PRKAA2: variants seen among roughly 807,000 people sequenced by gnomAD.
PRKAA2 encodes the protein protein kinase AMP-activated catalytic subunit alpha 2, also known as 5'-AMP-activated protein kinase catalytic subunit alpha-2.
In PRKAA2, 40 loss-of-function variants were observed where a neutral mutation model predicts 56.3. The observed-to-expected ratio is 0.71, with a 90% CI of 0.55 to 0.92. PRKAA2 has a LOEUF of 0.92. PRKAA2 is among the 40% of genes least tolerant of loss of function. PRKAA2 has a pLI of 0.00. For missense variants in PRKAA2, 542 were observed against 686.9 expected, an observed-to-expected ratio of 0.79 and a Z score of 2.36; for synonymous variants, 214 against 234.2, an observed-to-expected ratio of 0.91 and a Z score of 0.79.
intron 4 of PRKAA2, 136 bp downstream of exon 4, chr1:56,692,638 G>T: frequency 7.8e-6 from 6 of 771,782 alleles, no homozygotes; most frequent in South Asian, 3.7e-5. Flanking sequence ...CTCCTCAGTA[G>T]CTTTTTTTTT....
At position 56,696,134 on chromosome 1, in the gene PRKAA2, A is replaced by C. The variant is rs1644257820; in HGVS notation, c.763A>C (p.Lys255Gln). 1 of 1,613,012 alleles carries C rather than the reference A, an allele frequency of 6.2e-7. No individual in the cohort carries two copies. The highest frequency in any genetic ancestry group is 1.3e-5 in the African/African-American group (1 of 74,674). The change falls in exon 6 of 9, where the codon AAA becomes CAA. Residue 255 changes from lysine to glutamine, a missense_variant. Physicochemically the swap from Lys to Gln is moderately conservative, Grantham distance 53. This residue lies in a region of PRKAA2 where 198 missense variants were observed against 234.0 expected (regional missense o/e 0.85). Transcript: ENST00000371244. ...LMHMLQVDPL[K>Q]RATIKDIREH... ...GCATATGCTGCAGGTTGACCCACTG[A>C]AACGAGCAACTATCAAAGACATAAG... is the stretch of plus-strand genomic sequence containing the variant.
At chr1:56,678,895 C>T (rs1208406258) in intron 2 of PRKAA2, among the ~76,000 whole-genome samples, 2 of 152,104 alleles carry the variant, frequency 1.3e-5, no homozygotes, top group Non-Finnish European at 2.9e-5. Context: ...GGGGTTTCAC[C>T]ATGTTGGCCA....
chr1:56,658,743 T>G (rs1452991705), intron 1 of PRKAA2, among the ~76,000 whole-genome samples: 2 of 151,588 alleles, frequency 1.3e-5, no homozygotes, highest in African/African-American at 4.8e-5. Flanking sequence ...TGCCTTCTTT[T>G]TTTTTTCTTT....
At chr1:56,669,940 C>A (rs1263963346) in intron 1 of PRKAA2, among the ~76,000 whole-genome samples, 1 of 152,106 alleles carries the variant, frequency 6.6e-6, no homozygotes, top group Non-Finnish European at 1.5e-5. Flanking sequence ...AATTCTTCAC[C>A]TTATCAAACG....
chr1:56,699,577 T>G (rs182926890), intron 6 of PRKAA2, among the ~76,000 whole-genome samples: 1 of 152,346 alleles, frequency 6.6e-6, no homozygotes, highest in East Asian at 1.9e-4. Flanking sequence ...GATTGTTTCC[T>G]TATTGTTTTT....
chr1:56,645,914 C>T (rs1466067717), intron 1 of PRKAA2, among the ~76,000 whole-genome samples: 2 of 152,162 alleles, frequency 1.3e-5, no homozygotes, highest in African/African-American at 4.8e-5. Context: ...CGTTTCGTGC[C>T]GGGTGCCCTG....
chr1:56,659,823 G>A (rs1215578321), intron 1 of PRKAA2, among the ~76,000 whole-genome samples: 1 of 152,192 alleles, frequency 6.6e-6, no homozygotes, highest in South Asian at 2.1e-4. Context: ...CGGGAGGATC[G>A]CTTAGGCCTG....
Position 56,674,365 on chromosome 1 carries a change from T to G in PRKAA2, c.95-16T>G, listed in dbSNP as rs755997624. 5.2e-6 allele frequency: 8 copies of G among 1,524,440 alleles called. No homozygotes were observed. In the South Asian group the frequency reaches 1.0e-4, roughly 20 times the overall value. 94.4% of individuals were successfully genotyped at this position (1,524,440 alleles called of 1,614,324 possible). A position where few individuals can be genotyped will look rare whatever the true frequency, so the allele number is the denominator to read the frequency against. ...TGATATGATAGCACATTTTTTTTCC[T>G]TTTTCTTTTCTTTAGTTGGAGAACA... On this transcript the variant is annotated splice_polypyrimidine_tract_variant and intron_variant, in intron 1 of 8. Coordinates refer to ENST00000371244, the MANE Select transcript of PRKAA2 (RefSeq NM_006252.4).
At position 56,713,597 on chromosome 1, in the gene PRKAA2, T is replaced by C. The variant is rs1432805074; in HGVS notation, c.*5884T>C. 6.6e-6 allele frequency: 1 copy of C among 152,102 alleles called. No homozygotes were observed. The highest frequency in any genetic ancestry group is 1.5e-5 in the Non-Finnish European group (1 of 67,998). The allele number at this position is 152,102 out of a possible 1,614,324, so 9.4% of individuals were successfully genotyped here. On this transcript the variant is annotated 3_prime_UTR_variant, in exon 9 of 9. Coordinates refer to ENST00000371244, the MANE Select transcript of PRKAA2 (RefSeq NM_006252.4). ...CTTTTTTGAATAATACGTAGAATTT[T>C]GACAAGGTTCATACAGTGCATACAG...
At position 56,713,868 on chromosome 1, in the gene PRKAA2, A is replaced by AAAC. The variant is rs1553151630; in HGVS notation, c.*6156_*6157insACA. 33 of 151,064 alleles carry AAAC rather than the reference A, an allele frequency of 2.2e-4. No homozygotes were observed. Among genetic ancestry groups the AAAC allele is most frequent in the African/African-American group, 8.1e-4 (33 of 40,980 alleles). The allele number at this position is 151,064 out of a possible 1,614,324, so 9.4% of individuals were successfully genotyped here. On this transcript the variant is annotated 3_prime_UTR_variant, in exon 9 of 9. Transcript: ENST00000371244. ...TGTTCTAAAAAAAAAAAAAAAAAAA[A>AAAC]ACACTAAATTGTGCCTTCTCCCTTA...
In PRKAA2 at chr1:56,710,055, C is replaced by G. The variant is rs1481477194; in HGVS notation, c.*2342C>G. The G allele has an allele frequency of 6.6e-6, 1 of 151,956 alleles. No individual in the cohort carries two copies. Among genetic ancestry groups the G allele is most frequent in the Non-Finnish European group, 1.5e-5 (1 of 67,962 alleles). The allele number at this position is 151,956 out of a possible 1,614,324, so 9.4% of individuals were successfully genotyped here. A position where few individuals can be genotyped will look rare whatever the true frequency, so the allele number is the denominator to read the frequency against. On this transcript the variant is annotated 3_prime_UTR_variant, in exon 9 of 9. Transcript: ENST00000371244. ...AGAGCTGGAACATTGTTACAGCAGG[C>G]TTTTTGTTGCTCATGGGCAGATAGA...
chr1:56,668,496 T>C (rs1644051901), intron 1 of PRKAA2, among the ~76,000 whole-genome samples: 1 of 152,088 alleles, frequency 6.6e-6, no homozygotes, highest in South Asian at 2.1e-4. Flanking sequence ...TTTTGTGGAC[T>C]GAAGCTTCAT....
chr1:56,704,359 A>C lies in PRKAA2; in HGVS notation c.1177A>C (p.Lys393Gln). 1 of 1,614,188 alleles carries C rather than the reference A, an allele frequency of 6.2e-7. No homozygotes were observed. Among genetic ancestry groups the C allele is most frequent in the Non-Finnish European group, 8.5e-7 (1 of 1,180,028 alleles). Reference protein sequence around the residue: ...PLDALNTTKPKSLAVKKAKWH... With the variant: ...PLDALNTTKPQSLAVKKAKWH... Reference sequence around the variant, plus strand: ...GGATGCACTGAATACGACTAAGCCCAAATCTTTAGCTGTGAAAAAAGCCAA... The same window carrying C: ...GGATGCACTGAATACGACTAAGCCCCAATCTTTAGCTGTGAAAAAAGCCAA... The change falls in exon 7 of 9, where the codon AAA (lysine) becomes CAA (glutamine). Residue 393 changes from lysine (K) to glutamine (Q), a missense_variant. By Grantham distance (53) the Lys-to-Gln change is moderately conservative (BLOSUM62 1). This residue lies in a region of PRKAA2 where 198 missense variants were observed against 234.0 expected (regional missense o/e 0.85). Coordinates refer to ENST00000371244, the MANE Select transcript of PRKAA2 (RefSeq NM_006252.4).
intron 6 of PRKAA2, among the ~76,000 whole-genome samples, chr1:56,699,792 A>G (rs1339659483): frequency 6.6e-6 from 1 of 152,144 alleles, no homozygotes; most frequent in Non-Finnish European, 1.5e-5. Flanking sequence ...GCAACCACTA[A>G]TCTACTTTCT....
intron 1 of PRKAA2, among the ~76,000 whole-genome samples, chr1:56,657,708 C>T (rs972925945): frequency 2.0e-5 from 3 of 151,874 alleles, no homozygotes; most frequent in African/African-American, 7.3e-5. Flanking sequence ...AAACTCCAGC[C>T]TGGGTGACAG....
chr1:56,690,700 TC>T (rs1213029982), intron 2 of PRKAA2, among the ~76,000 whole-genome samples: 2 of 152,212 alleles, frequency 1.3e-5, no homozygotes, highest in Non-Finnish European at 2.9e-5. Flanking sequence ...ATTTTTCACT[TC>T]CTGGATTTTG....
At position 56,707,686 on chromosome 1, in the gene PRKAA2, C is replaced by T. The variant is rs1644341711; in HGVS notation, c.1632C>T (p.Ala544=). ...SHTMDFFEMC[A]SLITTLAR The stretch of plus-strand genomic sequence containing the variant: ...CCATGGATTTTTTTGAAATGTGTGC[C>T]AGTCTGATTACTACTTTAGCCCGTT... The change falls in exon 9 of 9, where the codon GCC becomes GCT. Residue 544 remains alanine (A), a synonymous_variant. Transcript: ENST00000371244. 6.2e-7 allele frequency: 1 copy of T among 1,606,360 alleles called. No homozygotes were observed. The highest frequency in any genetic ancestry group is 1.3e-5 in the African/African-American group (1 of 74,708).
rs1644386298 is a variant in PRKAA2 at position 56,713,855 on chromosome 1, AAAAAAAAAAAAAAACACTAAATTG to A, written c.*6143_*6166del. 1 of 151,396 alleles carries A rather than the reference AAAAAAAAAAAAAAACACTAAATTG, an allele frequency of 6.6e-6. No homozygotes were observed. Among genetic ancestry groups the A allele is most frequent in the African/African-American group, 2.4e-5 (1 of 41,280 alleles). The allele number at this position is 151,396 out of a possible 1,614,324, so 9.4% of individuals were successfully genotyped here. On this transcript the variant is annotated 3_prime_UTR_variant, in exon 9 of 9. Transcript: ENST00000371244. ...AAGAGAGATCCACTGTTCTAAAAAAAAAAAAAAAAAAAAACACTAAATTGTGCCTTCTCCCTTAAATTATAAGAA... is the reference window on the plus strand; with the variant it reads ...AAGAGAGATCCACTGTTCTAAAAAAATGCCTTCTCCCTTAAATTATAAGAA...
chr1:56,650,354 G>T lies in PRKAA2; in HGVS notation c.94+4873G>T, dbSNP rs184612196. On this transcript the variant is annotated intron_variant, in intron 1 of 8. Transcript: ENST00000371244. ...TTTTTGGAAACAGATTATATGGGCT[G>T]ACAGAGTTTAAAAGTAATGCTTTTT... Among the ~76,000 whole-genome samples the T allele has an allele frequency of 4.6e-5, 7 of 152,284 alleles. No individual in the cohort carries two copies. In the East Asian group the frequency reaches 1.3e-3, roughly 29 times the overall value.
Sources: allele counts gnomAD v4.1 joint callset (sites outside exome capture counted in the v4.1 genomes callset), GRCh38; gene constraint gnomAD v4.1.1; regional missense constraint gnomAD v4.1.1; transcripts MANE v1.5; gene names NCBI Gene and HGNC (gene_info 2026-07-23, HGNC 2026-07-21).